Variants in BNC2 observed in about 807,000 individuals in gnomAD.
BNC2 encodes the protein basonuclin zinc finger protein 2.
BNC2 carries 20 observed loss-of-function variants against 76.3 expected under a neutral mutation model. The observed-to-expected ratio is 0.26, with a 90% confidence interval of 0.18 to 0.38. The LOEUF is 0.38. Ranked by LOEUF, BNC2 falls within the 10% of genes least tolerant of loss-of-function variation. The probability of loss-of-function intolerance (pLI) is 1.00; values close to 1 mark genes in which losing one functional copy is unlikely to be tolerated. For missense variants in BNC2, 1,382 were observed against 1,399.8 expected (o/e 0.99, Z 0.20); for synonymous variants, 582 against 514.8 (o/e 1.13, Z -1.77).
At chr9:16,591,708 T>A (rs1819934955) in intron 3 of BNC2, among the ~76,000 whole-genome samples, 1 of 152,110 alleles carries the variant, frequency 6.6e-6, no homozygotes, top group Non-Finnish European at 1.5e-5. Context: ...CAGCAGCAAA[T>A]GAGAAACAAT....
chr9:16,461,299 A>G (rs990268386), intron 5 of BNC2, among the ~76,000 whole-genome samples: 3 of 152,100 alleles, frequency 2.0e-5, no homozygotes, highest in Admixed American at 6.6e-5. Context: ...ACGTGTGGAG[A>G]AACCAGGCGC....
chr9:16,479,498 TA>T (rs1822000853), intron 5 of BNC2, among the ~76,000 whole-genome samples: 2 of 152,300 alleles, frequency 1.3e-5, no homozygotes, highest in Admixed American at 6.5e-5. Flanking sequence ...AATATTTTAT[TA>T]TTAAAATTTT....
rs144396510 is a variant in BNC2, at chr9:16,646,358, C to A, written c.331-63273G>T. 1.3e-3 allele frequency among the ~76,000 whole-genome samples: 205 copies of A among 152,248 alleles called. 1 individual carries two copies. The highest frequency in any genetic ancestry group is 4.7e-3 in the African/African-American group (197 of 41,554). ...AGATGTCTCCACTATATAGAAACAA[C>A]TCATAAAATATGTCTAAATATTCAT... is the stretch of plus-strand genomic sequence containing the variant. On this transcript the variant is annotated intron_variant, in intron 3 of 6. Coordinates refer to ENST00000380672, the MANE Select transcript of BNC2 (RefSeq NM_017637.6).
intron 2 of BNC2, chr9:16,728,239 T>C (rs995540914): frequency 1.7e-6 from 1 of 575,498 alleles, no homozygotes; most frequent in Non-Finnish European, 3.1e-6. Context: ...CAGGCGGCAC[T>C]GGAGACCCAA....
At chr9:16,710,005 T>G (rs77879649) in intron 3 of BNC2, among the ~76,000 whole-genome samples, 1,647 of 152,332 alleles carry the variant, frequency 0.011, 16 homozygotes, top group Non-Finnish European at 0.019. Context: ...CATTCTTATT[T>G]GCTACATGTA....
intron 5 of BNC2, among the ~76,000 whole-genome samples, chr9:16,440,718 C>T (rs1468418803): frequency 6.6e-6 from 1 of 152,314 alleles, no homozygotes; most frequent in South Asian, 2.1e-4. Flanking sequence ...ACAATGCCCA[C>T]TACTATTTCT....
intron 5 of BNC2, among the ~76,000 whole-genome samples, chr9:16,475,668 CTT>C (rs1364104032): frequency 6.6e-6 from 1 of 152,144 alleles, no homozygotes; most frequent in Non-Finnish European, 1.5e-5. Context: ...CAAACAGTGT[CTT>C]TTATCCCCTT....
chr9:16,470,613 C>G (rs190268633), intron 5 of BNC2, among the ~76,000 whole-genome samples: 65 of 152,352 alleles, frequency 4.3e-4, no homozygotes, highest in Non-Finnish European at 7.8e-4. Context: ...CCCAGCCGCT[C>G]TAGCTGTGGC....
chr9:16,470,594 G>A (rs1821801708), intron 5 of BNC2, among the ~76,000 whole-genome samples: 1 of 152,190 alleles, frequency 6.6e-6, no homozygotes, highest in Non-Finnish European at 1.5e-5. Flanking sequence ...GGAACTTGGT[G>A]CCCTGTATCC....
intron 1 of BNC2, among the ~76,000 whole-genome samples, chr9:16,834,984 T>C (rs1312040036): frequency 6.6e-6 from 1 of 152,212 alleles, no homozygotes; most frequent in Admixed American, 6.5e-5. Context: ...CAGTCGGTCA[T>C]GGATATCCAC....
intron 3 of BNC2, among the ~76,000 whole-genome samples, chr9:16,702,342 C>G (rs1823538795): frequency 6.6e-6 from 1 of 152,084 alleles, no homozygotes; most frequent in Admixed American, 6.5e-5. Flanking sequence ...TTAATTCAAG[C>G]AAATGATTAG....
chr9:16,755,827 C>G (rs760434335), intron 1 of BNC2, among the ~76,000 whole-genome samples: 46 of 152,282 alleles, frequency 3.0e-4, no homozygotes, highest in Middle Eastern at 3.4e-3. Context: ...ATGATTTTCT[C>G]CATTTATAAA....
rs71327842 is a variant in BNC2 at position 16,691,504 on chromosome 9, C to CTTTTTTTTTTTTTT, written c.330+36279_330+36292dup. Among the ~76,000 whole-genome samples, 24 of 113,232 alleles carry CTTTTTTTTTTTTTT rather than the reference C, an allele frequency of 2.1e-4. 1 individual carries two copies. Among genetic ancestry groups the CTTTTTTTTTTTTTT allele is most frequent in the African/African-American group, 7.4e-4 (21 of 28,378 alleles). The allele number at this position is 113,232 out of a possible 152,430, so 74.3% of individuals were successfully genotyped here. ...CCAGATCCACGGATGGGTATGGGTTCTTTTTTTTTTTTTTTTTTTTTTTGA... is the reference window on the plus strand; with the variant it reads ...CCAGATCCACGGATGGGTATGGGTTCTTTTTTTTTTTTTTTTTTTTTTTTTTTTTTTTTTTTTGA... On this transcript the variant is annotated intron_variant, in intron 3 of 6. Transcript: ENST00000380672.
intron 1 of BNC2, among the ~76,000 whole-genome samples, chr9:16,788,416 G>A (rs746719497): frequency 1.5e-4 from 23 of 152,100 alleles, no homozygotes; most frequent in Middle Eastern, 3.4e-3. Context: ...AGCCGGGCGT[G>A]GTGGTAGGCT....
chr9:16,578,752 C>T (rs1819552574), intron 4 of BNC2, among the ~76,000 whole-genome samples: 1 of 151,972 alleles, frequency 6.6e-6, no homozygotes, highest in Non-Finnish European at 1.5e-5. Context: ...CTCTAAAAAA[C>T]TTTTGTTGTT....
At chr9:16,474,838 TA>T (rs925484475) in intron 5 of BNC2, among the ~76,000 whole-genome samples, 15 of 152,010 alleles carry the variant, frequency 9.9e-5, no homozygotes, top group Non-Finnish European at 4.4e-5. Context: ...TCCCAGTCAT[TA>T]AAAAAACCCA....
chr9:16,468,327 A>G (rs1821739581), intron 5 of BNC2, among the ~76,000 whole-genome samples: 1 of 152,096 alleles, frequency 6.6e-6, no homozygotes, highest in Non-Finnish European at 1.5e-5. Context: ...ACAATAGCTA[A>G]TATGTTTTGA....
At chr9:16,654,590 T>G (rs575973607) in intron 3 of BNC2, among the ~76,000 whole-genome samples, 2 of 152,136 alleles carry the variant, frequency 1.3e-5, no homozygotes, top group Non-Finnish European at 2.9e-5. Flanking sequence ...AAAAACACAC[T>G]TGTTTTGTCT....
intron 4 of BNC2, among the ~76,000 whole-genome samples, chr9:16,576,640 T>A (rs1029154954): frequency 1.3e-5 from 2 of 152,220 alleles, no homozygotes; most frequent in Non-Finnish European, 2.9e-5. Context: ...TGCTTGTAAG[T>A]CCTTACAAAC....
Sources: gnomAD v4.1 joint callset for allele counts (sites outside exome capture counted in the v4.1 genomes callset) on GRCh38, gnomAD v4.1.1 for gene constraint, MANE v1.5 for transcripts, NCBI Gene and HGNC (gene_info 2026-07-23, HGNC 2026-07-21) for gene names.